WWOX: variants seen among roughly 807,000 people sequenced by gnomAD.
WWOX encodes the protein WW domain-containing oxidoreductase.
WWOX carries 69 observed loss-of-function variants against 46.2 expected under a neutral mutation model. That is an observed-to-expected ratio of 1.49 (90% CI 1.23 to 1.82). The LOEUF (loss-of-function observed/expected upper bound fraction) is 1.82, where lower values mean the gene tolerates loss of function less well. Among genes scored for constraint, WWOX ranks in the 40% most tolerant of loss-of-function variants. The pLI, the probability that WWOX is intolerant of heterozygous loss-of-function variation, is 0.00. For synonymous variants in WWOX, 359 were observed against 202.6 expected (o/e 1.77, Z -6.56); for missense variants, 919 against 542.6 (o/e 1.69, Z -6.89).
At chr16:79,085,749 A>G (rs2048842968) in intron 8 of WWOX, among the ~76,000 whole-genome samples, 1 of 152,214 alleles carries the variant, frequency 6.6e-6, no homozygotes, top group Admixed American at 6.5e-5. Flanking sequence ...AAGTATTAGC[A>G]GAAATGTAGT....
At chr16:79,190,182 G>T (rs537468192) in intron 8 of WWOX, among the ~76,000 whole-genome samples, 3 of 151,904 alleles carry the variant, frequency 2.0e-5, no homozygotes, top group African/African-American at 7.3e-5. Context: ...GCAACACCAC[G>T]CCTGGCTAAC....
intron 8 of WWOX, among the ~76,000 whole-genome samples, chr16:79,153,045 G>C (rs953143447): frequency 6.6e-6 from 1 of 152,186 alleles, no homozygotes; most frequent in South Asian, 2.1e-4. Flanking sequence ...GAGACCTGCA[G>C]AGCGAGCGGA....
chr16:78,756,448 C>T (rs1362191339), intron 8 of WWOX, among the ~76,000 whole-genome samples: 1 of 152,002 alleles, frequency 6.6e-6, no homozygotes, highest in African/African-American at 2.4e-5. Context: ...GTCTGGGATT[C>T]CAGAAAAAGA....
intron 5 of WWOX, among the ~76,000 whole-genome samples, chr16:78,260,372 A>C (rs951704684): frequency 6.6e-5 from 10 of 151,664 alleles, no homozygotes; most frequent in African/African-American, 2.4e-4. Context: ...AATTCACAAA[A>C]ATGTAAGGCT....
intron 8 of WWOX, among the ~76,000 whole-genome samples, chr16:78,938,301 A>G (rs912849362): frequency 1.3e-5 from 2 of 152,112 alleles, no homozygotes; most frequent in Non-Finnish European, 2.9e-5. Flanking sequence ...ACCTTTTCCA[A>G]CTAGGGTGTG....
At chr16:78,317,515 A>T (rs1416545588) in intron 5 of WWOX, among the ~76,000 whole-genome samples, 1 of 152,198 alleles carries the variant, frequency 6.6e-6, no homozygotes, top group Non-Finnish European at 1.5e-5. Context: ...AAGGCACAGG[A>T]CAAGCATCGG....
At chr16:79,093,324 T>A (rs1422301899) in intron 8 of WWOX, among the ~76,000 whole-genome samples, 2 of 152,192 alleles carry the variant, frequency 1.3e-5, no homozygotes, top group Non-Finnish European at 2.9e-5. Context: ...GTTTAGGGGA[T>A]GAGACTCTAA....
chr16:78,973,191 A>C (rs1597224395), intron 8 of WWOX, among the ~76,000 whole-genome samples: 1 of 152,154 alleles, frequency 6.6e-6, no homozygotes, highest in South Asian at 2.1e-4. Flanking sequence ...AATCCTAAGA[A>C]AGATAAAGGC....
At chr16:78,780,660 C>T (rs906987713) in intron 8 of WWOX, among the ~76,000 whole-genome samples, 2 of 152,122 alleles carry the variant, frequency 1.3e-5, no homozygotes, top group African/African-American at 4.8e-5. Context: ...GAATCAAAAA[C>T]AGTGCAAGCG....
chr16:78,934,597 C>T (rs1257312024), intron 8 of WWOX, among the ~76,000 whole-genome samples: 4 of 151,416 alleles, frequency 2.6e-5, no homozygotes, highest in Non-Finnish European at 5.9e-5. Flanking sequence ...TCTGTTTTTA[C>T]CCTACCCTCT....
chr16:78,585,196 A>G (rs578202508), intron 8 of WWOX, among the ~76,000 whole-genome samples: 5 of 152,320 alleles, frequency 3.3e-5, no homozygotes, highest in African/African-American at 1.2e-4. Context: ...TGACCACAGG[A>G]CAGCTTAAAT....
chr16:78,968,111 TCCGCG>T (rs2046397904), intron 8 of WWOX, among the ~76,000 whole-genome samples: 1 of 148,636 alleles, frequency 6.7e-6, no homozygotes, highest in African/African-American at 2.6e-5. Flanking sequence ...CAGCGCGTGG[TCCGCG>T]TGGCACAGCG....
intron 8 of WWOX, among the ~76,000 whole-genome samples, chr16:79,188,728 C>A (rs1248157401): frequency 1.3e-5 from 2 of 152,202 alleles, no homozygotes; most frequent in African/African-American, 4.8e-5. Context: ...ATCCTGCAAG[C>A]GAATTGCCAC....
chr16:78,589,290 G>C (rs1307395475), intron 8 of WWOX, among the ~76,000 whole-genome samples: 1 of 152,208 alleles, frequency 6.6e-6, no homozygotes, highest in African/African-American at 2.4e-5. Context: ...CACAAATGAA[G>C]AATATTTAGT....
intron 8 of WWOX, among the ~76,000 whole-genome samples, chr16:78,767,770 T>A (rs1253741134): frequency 6.6e-6 from 1 of 152,164 alleles, no homozygotes; most frequent in African/African-American, 2.4e-5. Context: ...GAGTGAAGTG[T>A]TACCTCCCTG....
chr16:78,608,020 C>A (rs192483632), intron 8 of WWOX, among the ~76,000 whole-genome samples: 1 of 152,134 alleles, frequency 6.6e-6, no homozygotes, highest in East Asian at 1.9e-4. Context: ...ACTAGTCAAC[C>A]GCAACACAAA....
intron 5 of WWOX, chr16:78,278,632 G>A (rs754939224): frequency 1.2e-6 from 2 of 1,610,684 alleles, no homozygotes; most frequent in Non-Finnish European, 8.5e-7. Flanking sequence ...CGCCAGAAAA[G>A]TGCAGAATAA....
rs570485603 is a variant in WWOX at position 79,036,018 on chromosome 16, C to A, written c.1057-175590C>A. Among the ~76,000 whole-genome samples, 6 of 152,316 alleles carry A rather than the reference C, an allele frequency of 3.9e-5. No individual in the cohort carries two copies. In the South Asian group the frequency reaches 1.2e-3, roughly 32 times the overall value. ...TTAAGAATCTATCTTTTCCGTTCCT[C>A]CTTCCAGCATACTCAGCACAGTCCA... On this transcript the variant is annotated intron_variant, in intron 8 of 8. Coordinates refer to ENST00000566780, the MANE Select transcript of WWOX (RefSeq NM_016373.4).
At chr16:78,277,882 G>A (rs933892815) in intron 5 of WWOX, among the ~76,000 whole-genome samples, 2 of 152,148 alleles carry the variant, frequency 1.3e-5, no homozygotes, top group Non-Finnish European at 2.9e-5. Flanking sequence ...ACGAATCATA[G>A]CACAACCTTT....
Sources: allele counts gnomAD v4.1 joint callset (sites outside exome capture counted in the v4.1 genomes callset), GRCh38; gene constraint gnomAD v4.1.1; transcripts MANE v1.5; gene names NCBI Gene and HGNC (gene_info 2026-07-23, HGNC 2026-07-21).